SUZ12: variants seen among roughly 807,000 people sequenced by gnomAD.
SUZ12 encodes the protein polycomb protein SUZ12.
Under a neutral mutation model 87.3 loss-of-function variants are expected in SUZ12, and 17 were observed. The observed-to-expected ratio is 0.19, with a 90% CI of 0.13 to 0.29. The LOEUF is 0.29. Among genes scored for constraint, SUZ12 ranks in the 10% least tolerant of loss-of-function variants. The probability of loss-of-function intolerance (pLI) is 1.00; values close to 1 mark genes in which losing one functional copy is unlikely to be tolerated. For synonymous variants in SUZ12, 253 were observed against 312.4 expected, an observed-to-expected ratio of 0.81 and a Z score of 2.01; for missense variants, 526 against 912.2, an observed-to-expected ratio of 0.58 and a Z score of 5.45.
chr17:31,956,107 G>C (rs371912684), intron 4 of SUZ12, among the ~76,000 whole-genome samples: 219 of 151,524 alleles, frequency 1.4e-3, no homozygotes, highest in East Asian at 9.4e-3. Flanking sequence ...TAGAGATGGG[G>C]TTTCACCGTG....
intron 10 of SUZ12, among the ~76,000 whole-genome samples, chr17:31,989,828 C>T (rs1909620255): frequency 6.8e-6 from 1 of 147,606 alleles, no homozygotes; most frequent in Non-Finnish European, 1.5e-5. Context: ...CCAGGATGGT[C>T]TCGATCTCCT....
chr17:31,992,909 G>A (rs904075775), intron 10 of SUZ12, among the ~76,000 whole-genome samples: 4 of 151,662 alleles, frequency 2.6e-5, no homozygotes, highest in Non-Finnish European at 4.4e-5. Flanking sequence ...GTTTTGCCAC[G>A]TTGGGCAGGC....
chr17:31,974,695 G>A (rs1433828172), intron 6 of SUZ12, among the ~76,000 whole-genome samples: 4 of 152,076 alleles, frequency 2.6e-5, no homozygotes, highest in Non-Finnish European at 2.9e-5. Flanking sequence ...TCTCCGGAGC[G>A]TAAGACCTGG....
At position 31,973,521 on chromosome 17, in the gene SUZ12, A is replaced by G. The variant is rs952867997; in HGVS notation, c.591+290A>G. Among the ~76,000 whole-genome samples the G allele has an allele frequency of 3.3e-5, 5 of 152,208 alleles. No individual in the cohort carries two copies. The East Asian group carries it at 5.8e-4, about 18-fold the overall frequency. On this transcript the variant is annotated intron_variant, in intron 6 of 15. Coordinates refer to ENST00000322652, the MANE Select transcript of SUZ12 (RefSeq NM_015355.4). ...ATTCAGTTGCTGTTCTACCATTTCAATCTGTTAGCGTATTTCTTAGCTGTT... is the reference window on the plus strand; with the variant it reads ...ATTCAGTTGCTGTTCTACCATTTCAGTCTGTTAGCGTATTTCTTAGCTGTT...
rs557738780 is a variant in SUZ12 at position 31,999,963 on chromosome 17, G to T, written c.*960G>T. On this transcript the variant is annotated 3_prime_UTR_variant, in exon 16 of 16. Coordinates refer to ENST00000322652, the MANE Select transcript of SUZ12 (RefSeq NM_015355.4). ...TTTATTTGTTTGCAAGGATGTCTTT[G>T]TAATGTGTTTCATGAATAGAATATC... 4.3e-6 allele frequency: 1 copy of T among 232,736 alleles called. No homozygotes were observed. Among genetic ancestry groups the T allele is most frequent in the South Asian group, 1.8e-4 (1 of 5,522 alleles). The allele number at this position is 232,736 out of a possible 1,614,324, so 14.4% of individuals were successfully genotyped here.
chr17:31,985,970 T>A (rs1439649399), intron 9 of SUZ12, among the ~76,000 whole-genome samples: 2 of 150,980 alleles, frequency 1.3e-5, no homozygotes, highest in African/African-American at 4.9e-5. Flanking sequence ...CTGGCCTTTT[T>A]TTGTTTGTTT....
intron 10 of SUZ12, 53 bp downstream of exon 10, chr17:31,988,550 CTTGTGCTTTAGAT>C (rs1909532931): frequency 6.9e-7 from 1 of 1,446,206 alleles, no homozygotes. Flanking sequence ...AGAGTTAGGT[CTTGTGCTTTAGAT>C]TAATTCATTT....
chr17:31,949,584 A>G (rs1413826846), intron 4 of SUZ12, among the ~76,000 whole-genome samples: 1 of 118,242 alleles, frequency 8.5e-6, no homozygotes, highest in Non-Finnish European at 1.7e-5. Context: ...TGCAACTGCC[A>G]CCTCCTGGAT....
Position 31,975,573 on chromosome 17 carries a change from C to T in SUZ12, c.683C>T (p.Pro228Leu), listed in dbSNP as rs1263314698. The change falls in exon 7 of 16, where the codon CCG becomes CTG. Residue 228 changes from proline to leucine, a missense_variant. By Grantham distance (98) the Pro-to-Leu change is moderately conservative. This residue lies in a region of SUZ12 where 73 missense variants were observed against 133.8 expected (regional missense o/e 0.55). Coordinates refer to ENST00000322652, the MANE Select transcript of SUZ12 (RefSeq NM_015355.4). ...AATCAAACAAAACCCGGAAATTTCC[C>T]GTCCCTTGCAGTTTCCAGTAATGAA... ...DLNQTKPGNF[P>L]SLAVSSNEFE... 1.9e-6 allele frequency: 3 copies of T among 1,613,882 alleles called. No individual in the cohort carries two copies. The highest frequency in any genetic ancestry group is 1.7e-6 in the Non-Finnish European group (2 of 1,179,860).
intron 4 of SUZ12, among the ~76,000 whole-genome samples, chr17:31,962,878 T>G (rs578635): frequency 0.33 from 48,752 of 149,786 alleles, 6,034 homozygotes; most frequent in African/African-American, 0.55. Context: ...TAGTATGTAG[T>G]TTTAATTGAA....
intron 4 of SUZ12, among the ~76,000 whole-genome samples, chr17:31,960,005 T>G (rs768454767): frequency 2.6e-5 from 4 of 152,340 alleles, no homozygotes; most frequent in Non-Finnish European, 4.4e-5. Context: ...ACTAGATTTT[T>G]TTGTGGCCTA....
intron 4 of SUZ12, among the ~76,000 whole-genome samples, chr17:31,956,683 G>C (rs969259789): frequency 2.0e-5 from 3 of 151,808 alleles, no homozygotes; most frequent in Non-Finnish European, 4.4e-5. Context: ...TTCTCGCCTA[G>C]TATTGTGGTA....
intron 9 of SUZ12, among the ~76,000 whole-genome samples, chr17:31,986,234 G>C (rs973917598): frequency 6.6e-6 from 1 of 152,170 alleles, no homozygotes; most frequent in African/African-American, 2.4e-5. Context: ...GAGCTACTGT[G>C]CCCGGCCTAT....
At chr17:31,939,826 G>T (rs1374965975) in intron 1 of SUZ12, among the ~76,000 whole-genome samples, 1 of 152,086 alleles carries the variant, frequency 6.6e-6, no homozygotes. Flanking sequence ...GCGCCTGGCC[G>T]GCTGACTACA....
chr17:31,982,770 A>G (rs1313802908), intron 8 of SUZ12, among the ~76,000 whole-genome samples: 1 of 152,236 alleles, frequency 6.6e-6, no homozygotes, highest in Non-Finnish European at 1.5e-5. Flanking sequence ...GTTTAGAGTT[A>G]TATCTGAGTA....
At chr17:31,988,952 G>A (rs1214578978) in intron 10 of SUZ12, among the ~76,000 whole-genome samples, 1 of 151,582 alleles carries the variant, frequency 6.6e-6, no homozygotes, top group African/African-American at 2.4e-5. Context: ...GGCACCTGTA[G>A]TCCCAGCTAC....
chr17:31,947,569 C>G, intron 3 of SUZ12, 48 bp from the exon 4 acceptor site: 1 of 1,577,036 alleles, frequency 6.3e-7, no homozygotes, highest in South Asian at 1.1e-5. Context: ...TAATTTGTTT[C>G]TTTTTCCCAG....
At chr17:31,980,028 A>G (rs1208783073) in intron 8 of SUZ12, among the ~76,000 whole-genome samples, 2 of 151,870 alleles carry the variant, frequency 1.3e-5, no homozygotes, top group Non-Finnish European at 2.9e-5. Context: ...AGAGAGAGAG[A>G]GAGAGAGAGA....
chr17:31,981,529 C>G (rs575275), intron 8 of SUZ12, among the ~76,000 whole-genome samples: 8 of 151,968 alleles, frequency 5.3e-5, no homozygotes, highest in African/African-American at 1.5e-4. Context: ...TGGAATAGTA[C>G]GTATCTATGT....
Sources: gnomAD v4.1 joint callset for allele counts (sites outside exome capture counted in the v4.1 genomes callset) on GRCh38, gnomAD v4.1.1 for gene constraint, gnomAD v4.1.1 regional missense constraint, MANE v1.5 for transcripts, NCBI Gene and HGNC (gene_info 2026-07-23, HGNC 2026-07-21) for gene names.